Variants in NRG2 observed in about 807,000 individuals in gnomAD.
The protein encoded by NRG2 is neuregulin 2, also known as pro-neuregulin-2, membrane-bound isoform.
A neutral mutation model predicts 73.9 loss-of-function variants in NRG2; 27 were observed. The observed-to-expected ratio is 0.37, with a 90% confidence interval of 0.27 to 0.50. The LOEUF (loss-of-function observed/expected upper bound fraction) is 0.50, where lower values mean the gene tolerates loss of function less well. Among genes scored for constraint, NRG2 ranks in the 20% least tolerant of loss-of-function variants. The pLI, the probability that NRG2 is intolerant of heterozygous loss-of-function variation, is 0.96. For missense variants in NRG2, 1,126 were observed against 1,210.1 expected, an observed-to-expected ratio of 0.93 and a Z score of 1.03; for synonymous variants, 532 against 541.0, an observed-to-expected ratio of 0.98 and a Z score of 0.23.
chr5:139,987,282 C>G (rs1349008905), intron 1 of NRG2, among the ~76,000 whole-genome samples: 1 of 146,866 alleles, frequency 6.8e-6, no homozygotes, highest in African/African-American at 2.5e-5. Flanking sequence ...GCAGGAGAAT[C>G]TCTTGAACCC....
chr5:139,894,456 GAA>G lies in NRG2; in HGVS notation c.701-6947_701-6946del, dbSNP rs55943011. On this transcript the variant is annotated intron_variant, in intron 1 of 9. Transcript: ENST00000361474. The surrounding 1 kb of genome is among the most constrained non-coding windows in gnomAD (Gnocchi z 5.0). ...ACAGACTCCAAGTTCAAATGAGAAA[GAA>G]AAAAAAAAAACCCACTAAGCTAAAA... Among the ~76,000 whole-genome samples, 17 of 140,292 alleles carry G rather than the reference GAA, an allele frequency of 1.2e-4. No homozygotes were observed. Among genetic ancestry groups the G allele is most frequent in the Middle Eastern group, 3.6e-3 (1 of 276 alleles). 92.0% of individuals were successfully genotyped at this position (140,292 alleles called of 152,430 possible).
intron 9 of NRG2, 62 bp from the exon 10 acceptor site, chr5:139,848,759 TTGGGGGTGGGGTAGGGTGGG>T: frequency 3.7e-5 from 2 of 54,324 alleles, no homozygotes; most frequent in Non-Finnish European, 6.6e-5. Flanking sequence ...GGAGGGGGGG[TTGGGGGTGGGGTAGGGTGGG>T]AGGGGCGGAC....
intron 6 of NRG2, among the ~76,000 whole-genome samples, chr5:139,854,786 G>T (rs1292203728): frequency 1.3e-5 from 2 of 152,156 alleles, no homozygotes; most frequent in Non-Finnish European, 2.9e-5. Context: ...CACATCAGAA[G>T]GTCATAGGGC....
chr5:139,916,635 G>T (rs1751274971), intron 1 of NRG2, among the ~76,000 whole-genome samples: 1 of 152,000 alleles, frequency 6.6e-6, no homozygotes, highest in African/African-American at 2.4e-5. Flanking sequence ...TCATATAAAT[G>T]GAATCATACA....
At chr5:139,936,199 T>C (rs1308179442) in intron 1 of NRG2, among the ~76,000 whole-genome samples, 2 of 151,512 alleles carry the variant, frequency 1.3e-5, no homozygotes, top group Non-Finnish European at 2.9e-5. Flanking sequence ...ATAAATGAAA[T>C]AGAGACACAA....
In NRG2 at chr5:140,026,927, C is replaced by G. The variant is rs369175612; in HGVS notation, c.700+15443G>C. Among the ~76,000 whole-genome samples the G allele has an allele frequency of 2.2e-3, 333 of 152,268 alleles. 2 individuals carry two copies. The highest frequency in any genetic ancestry group is 7.6e-3 in the African/African-American group (315 of 41,544). On this transcript the variant is annotated intron_variant, in intron 1 of 9. Transcript: ENST00000361474. ...TCTTTTGTTAAGACCCCGGAAAGATCAAAGGCAATGCCTCGAAGAATGTTT... is the reference window on the plus strand; with the variant it reads ...TCTTTTGTTAAGACCCCGGAAAGATGAAAGGCAATGCCTCGAAGAATGTTT...
chr5:139,938,008 G>A (rs1752972831), intron 1 of NRG2, among the ~76,000 whole-genome samples: 1 of 152,232 alleles, frequency 6.6e-6, no homozygotes, highest in Non-Finnish European at 1.5e-5. Flanking sequence ...GAGCCCAGGA[G>A]TTTGAGGCTA....
chr5:139,958,155 A>C (rs1469745511), intron 1 of NRG2, among the ~76,000 whole-genome samples: 1 of 152,156 alleles, frequency 6.6e-6, no homozygotes, highest in Non-Finnish European at 1.5e-5. Context: ...GCTCAGCCTC[A>C]GTCTTACAGC....
At chr5:139,898,575 G>A (rs563844563) in intron 1 of NRG2, among the ~76,000 whole-genome samples, 3 of 152,286 alleles carry the variant, frequency 2.0e-5, no homozygotes, top group Non-Finnish European at 4.4e-5. Context: ...GAGCTATCCC[G>A]AGGCAAAGCC....
chr5:139,908,830 G>T (rs1765413097), intron 1 of NRG2, among the ~76,000 whole-genome samples: 1 of 152,218 alleles, frequency 6.6e-6, no homozygotes, highest in Non-Finnish European at 1.5e-5. Context: ...AGGCACCCTG[G>T]GGCATGCCAG....
At chr5:139,976,324 A>G (rs767246374) in intron 1 of NRG2, among the ~76,000 whole-genome samples, 12 of 152,232 alleles carry the variant, frequency 7.9e-5, no homozygotes, top group Non-Finnish European at 1.6e-4. Flanking sequence ...TATTGCTCAC[A>G]ATGCCTTCCC....
intron 9 of NRG2, among the ~76,000 whole-genome samples, chr5:139,850,377 G>T (rs1045867703): frequency 6.6e-6 from 1 of 152,348 alleles, no homozygotes. Context: ...AGAGCCTACA[G>T]TCAGACTGGG....
intron 1 of NRG2, among the ~76,000 whole-genome samples, chr5:140,018,552 G>A (rs563642845): frequency 2.7e-4 from 41 of 152,282 alleles, no homozygotes; most frequent in African/African-American, 8.2e-4. Context: ...GCCTGGAATC[G>A]AGGGCAGTTT....
At chr5:140,001,688 C>T (rs983176076) in intron 1 of NRG2, among the ~76,000 whole-genome samples, 5 of 149,018 alleles carry the variant, frequency 3.4e-5, no homozygotes, top group African/African-American at 1.2e-4. Flanking sequence ...ATAGCAAGAC[C>T]CTATCTCCAC....
chr5:139,871,920 C>A, intron 3 of NRG2, 79 bp from the exon 4 acceptor site: 2 of 1,546,978 alleles, frequency 1.3e-6, no homozygotes, highest in East Asian at 2.3e-5. Flanking sequence ...TCATGCCCCA[C>A]GTCAAAACTG....
In NRG2 at chr5:139,870,479, C is replaced by T. The variant is rs1762768501; in HGVS notation, c.1112+1242G>A. On this transcript the variant is annotated intron_variant, in intron 4 of 9. Transcript: ENST00000361474. This position sits in a 1 kb window ranked among gnomAD's most constrained non-coding sequence, Gnocchi z 4.4. The stretch of plus-strand genomic sequence containing the variant: ...GCCTTCTCAGACCAGGCTCACATTC[C>T]CGGGCAAGGGTGTGCCCAGGAAGGG... Among the ~76,000 whole-genome samples the T allele has an allele frequency of 6.6e-6, 1 of 152,158 alleles. No homozygotes were observed. The highest frequency in any genetic ancestry group is 2.4e-5 in the African/African-American group (1 of 41,436).
intron 1 of NRG2, among the ~76,000 whole-genome samples, chr5:139,990,285 A>G (rs1757515203): frequency 6.7e-6 from 1 of 149,730 alleles, no homozygotes; most frequent in Admixed American, 6.6e-5. Flanking sequence ...ATTTTATTTT[A>G]TTTTATTTTA....
rs1383029071 is a variant in NRG2, at chr5:139,848,324, T to C, written c.2146A>G (p.Thr716Ala). Residue 716 changes from threonine to alanine, a missense_variant, in exon 10 of 10, where the codon ACG becomes GCG. Thr to Ala is a moderately conservative substitution (Grantham distance 58). Transcript: ENST00000361474. Reference sequence around the variant, plus strand: ...GGCGGCGGGGGCGCGCACTCCTGCGTGGTCTCGTACTCGTCGTCCTCGGGG... The same window carrying C: ...GGCGGCGGGGGCGCGCACTCCTGCGCGGTCTCGTACTCGTCGTCCTCGGGG... The part of the protein sequence containing the change: ...RIPEDDEYET[T>A]QECAPPPPPR... The C allele has an allele frequency of 8.4e-7, 1 of 1,189,806 alleles. No homozygotes were observed. The highest frequency in any genetic ancestry group is 4.6e-5 in the Admixed American group (1 of 21,868). 73.7% of individuals were successfully genotyped at this position (1,189,806 alleles called of 1,614,324 possible). A position where few individuals can be genotyped will look rare whatever the true frequency, so the allele number is the denominator to read the frequency against.
Position 139,954,942 on chromosome 5 carries a change from CT to C in NRG2, c.701-67432del, listed in dbSNP as rs1754505011. Among the ~76,000 whole-genome samples, 1 of 152,198 alleles carries C rather than the reference CT, an allele frequency of 6.6e-6. No homozygotes were observed. Among genetic ancestry groups the C allele is most frequent in the Non-Finnish European group, 1.5e-5 (1 of 68,034 alleles). ...AGTCTGACCCCAAGTTCTACCTTCT[CT>C]GTAGGGCACTGTGTCCCTGACCTGC... On this transcript the variant is annotated intron_variant, in intron 1 of 9. Coordinates refer to ENST00000361474, the MANE Select transcript of NRG2 (RefSeq NM_004883.3). The surrounding 1 kb of genome is among the most constrained non-coding windows in gnomAD (Gnocchi z 5.0).
Sources: gnomAD v4.1 joint callset for allele counts (sites outside exome capture counted in the v4.1 genomes callset) on GRCh38, gnomAD v4.1.1 for gene constraint, Gnocchi (gnomAD v3.1) non-coding constraint, MANE v1.5 for transcripts, NCBI Gene and HGNC (gene_info 2026-07-23, HGNC 2026-07-21) for gene names.